Variants in SMC1B observed in about 807,000 individuals in gnomAD.
SMC1B encodes the protein structural maintenance of chromosomes protein 1B.
SMC1B carries 60 observed loss-of-function variants against 157.9 expected under a neutral mutation model. The observed-to-expected ratio is 0.38, with a 90% CI of 0.31 to 0.47. The LOEUF is 0.47. SMC1B is among the 20% of genes least tolerant of loss of function. SMC1B has a pLI of 0.99. For missense variants in SMC1B, 1,165 were observed against 1,426.2 expected (o/e 0.82, Z 2.95); for synonymous variants, 445 against 483.0 (o/e 0.92, Z 1.03).
intron 18 of SMC1B, 32 bp from the exon 19 acceptor site, chr22:45,358,827 A>T (rs769701693): frequency 1.3e-6 from 2 of 1,530,780 alleles, no homozygotes; most frequent in East Asian, 4.5e-5. Flanking sequence ...ACATTTGTTG[A>T]TTAAGTTTGT....
chr22:45,412,543 T>C (rs1327104095), intron 1 of SMC1B, among the ~76,000 whole-genome samples: 1 of 123,640 alleles, frequency 8.1e-6, no homozygotes, highest in East Asian at 2.4e-4. Flanking sequence ...AGTCGCACTG[T>C]GTTGCCAGGC....
chr22:45,377,207 G>T (rs1004396842), intron 12 of SMC1B, among the ~76,000 whole-genome samples: 1 of 152,026 alleles, frequency 6.6e-6, no homozygotes, highest in East Asian at 1.9e-4. Flanking sequence ...TTTCATTCCT[G>T]ATCATGTATG....
At chr22:45,388,723 T>A (rs2087018553) in intron 10 of SMC1B, among the ~76,000 whole-genome samples, 1 of 151,882 alleles carries the variant, frequency 6.6e-6, no homozygotes, top group African/African-American at 2.4e-5. Flanking sequence ...ACGCCTGTAA[T>A]CCCAGCACTT....
rs150100288 is a variant in SMC1B at position 45,404,098 on chromosome 22, C to T, written c.616-1527G>A. On this transcript the variant is annotated intron_variant, in intron 4 of 24. Coordinates refer to ENST00000357450, the MANE Select transcript of SMC1B (RefSeq NM_148674.5). ...CTGGGATTACAGGCATGTGCCACCA[C>T]GCCCAGCTAATTTTTGTATTTTTAG... 4.0e-3 allele frequency among the ~76,000 whole-genome samples: 615 copies of T among 152,250 alleles called. 7 individuals are homozygous for T. Among genetic ancestry groups the T allele is most frequent in the African/African-American group, 0.014 (575 of 41,550 alleles).
Position 45,345,451 on chromosome 22 carries a change from G to A in SMC1B, c.3606+8C>T, listed in dbSNP as rs1602037268. 6.3e-7 allele frequency: 1 copy of A among 1,589,958 alleles called. No individual in the cohort carries two copies. Among genetic ancestry groups the A allele is most frequent in the East Asian group, 2.2e-5 (1 of 44,588 alleles). ...GGTACACTCCTCTCGCCTCTGATTTGTCTTTACCTCAGGATAGATGCCGAT... is the reference window on the plus strand; with the variant it reads ...GGTACACTCCTCTCGCCTCTGATTTATCTTTACCTCAGGATAGATGCCGAT... On this transcript the variant is annotated splice_region_variant and intron_variant, in intron 24 of 24. Transcript: ENST00000357450.
intron 17 of SMC1B, among the ~76,000 whole-genome samples, chr22:45,360,292 C>T (rs2086708716): frequency 6.6e-6 from 1 of 152,126 alleles, no homozygotes; most frequent in Non-Finnish European, 1.5e-5. Flanking sequence ...CAAAAGAAAT[C>T]CCTTGCCAGT....
chr22:45,409,609 T>TAAATAAA (rs1471181472), intron 1 of SMC1B, among the ~76,000 whole-genome samples: 1,028 of 84,250 alleles, frequency 0.012, 7 homozygotes, highest in Admixed American at 0.022. Flanking sequence ...AATAAATAAA[T>TAAATAAA]AAAAACAAGA....
chr22:45,352,419 A>C, intron 22 of SMC1B, 32 bp downstream of exon 22: 1 of 1,594,630 alleles, frequency 6.3e-7, no homozygotes, highest in Non-Finnish European at 8.6e-7. Flanking sequence ...TTCTGCCCTG[A>C]TATGAAAACT....
intron 1 of SMC1B, among the ~76,000 whole-genome samples, chr22:45,409,636 AG>A (rs780081448): frequency 1.3e-5 from 2 of 151,950 alleles, no homozygotes; most frequent in Non-Finnish European, 2.9e-5. Flanking sequence ...AACTAAATCC[AG>A]GATCGAGGGC....
At chr22:45,400,572 A>G (rs2146843746) in intron 5 of SMC1B, among the ~76,000 whole-genome samples, 1 of 152,358 alleles carries the variant, frequency 6.6e-6, no homozygotes, top group South Asian at 2.1e-4. Flanking sequence ...AATTCCAAAA[A>G]AATCATGTAG....
chr22:45,352,893 T>G (rs1188226521), intron 21 of SMC1B, among the ~76,000 whole-genome samples: 1 of 152,210 alleles, frequency 6.6e-6, no homozygotes, highest in East Asian at 1.9e-4. Flanking sequence ...ACAGTCTTCA[T>G]GCAGTTCACT....
intron 12 of SMC1B, among the ~76,000 whole-genome samples, chr22:45,375,781 A>T (rs2086878217): frequency 6.6e-6 from 1 of 152,168 alleles, no homozygotes; most frequent in African/African-American, 2.4e-5. Context: ...TGTGAAATAA[A>T]TTCTATCTAG....
At chr22:45,375,117 G>C (rs2086872175) in intron 12 of SMC1B, among the ~76,000 whole-genome samples, 1 of 152,192 alleles carries the variant, frequency 6.6e-6, no homozygotes, top group African/African-American at 2.4e-5. Flanking sequence ...ATTCTATTCA[G>C]AGTCCCCACT....
intron 5 of SMC1B, among the ~76,000 whole-genome samples, chr22:45,400,403 G>T (rs951748686): frequency 6.6e-6 from 1 of 152,136 alleles, no homozygotes; most frequent in Non-Finnish European, 1.5e-5. Flanking sequence ...AACTCAAAGA[G>T]TTCTCAGTGG....
intron 19 of SMC1B, 130 bp downstream of exon 19, chr22:45,358,567 A>T: frequency 1.7e-6 from 1 of 583,604 alleles, no homozygotes; most frequent in East Asian, 3.1e-5. Context: ...TCCTTTGTAT[A>T]TTTCTTCCAA....
intron 14 of SMC1B, 47 bp downstream of exon 14, chr22:45,371,424 G>A (rs970989733): frequency 2.0e-6 from 3 of 1,513,088 alleles, no homozygotes; most frequent in Non-Finnish European, 2.6e-6. Flanking sequence ...CTAGTATCTG[G>A]TCTAGAACTA....
At chr22:45,376,347 G>A (rs1218696605) in intron 12 of SMC1B, among the ~76,000 whole-genome samples, 1 of 152,100 alleles carries the variant, frequency 6.6e-6, no homozygotes, top group Non-Finnish European at 1.5e-5. Flanking sequence ...CATCTATGTT[G>A]TAGCATATGC....
In SMC1B at chr22:45,389,333, G is replaced by T. The variant is rs117231188; in HGVS notation, c.1731+379C>A. ...TTTCCACAAAGAGCTAACACACTGGGTCAAACATTTACAATTGAGGCTGAG... is the reference window on the plus strand; with the variant it reads ...TTTCCACAAAGAGCTAACACACTGGTTCAAACATTTACAATTGAGGCTGAG... On this transcript the variant is annotated intron_variant, in intron 10 of 24. Coordinates refer to ENST00000357450, the MANE Select transcript of SMC1B (RefSeq NM_148674.5). Among the ~76,000 whole-genome samples, 1,135 of 152,294 alleles carry T rather than the reference G, an allele frequency of 7.5e-3. 14 individuals carry two copies. Among genetic ancestry groups the T allele is most frequent in the South Asian group, 0.019 (92 of 4,822 alleles).
chr22:45,364,770 T>C (rs976413400), intron 15 of SMC1B, among the ~76,000 whole-genome samples: 3 of 151,986 alleles, frequency 2.0e-5, no homozygotes, highest in Non-Finnish European at 4.4e-5. Flanking sequence ...GCTGCTCTTT[T>C]AATGGTTCTT....
Sources: allele counts gnomAD v4.1 joint callset (sites outside exome capture counted in the v4.1 genomes callset), GRCh38; gene constraint gnomAD v4.1.1; transcripts MANE v1.5; gene names NCBI Gene and HGNC (gene_info 2026-07-23, HGNC 2026-07-21).